PREX1: variants seen among roughly 807,000 people sequenced by gnomAD.
The protein encoded by PREX1 is phosphatidylinositol 3,4,5-trisphosphate-dependent Rac exchanger 1 protein.
A neutral mutation model predicts 198.3 loss-of-function variants in PREX1; 41 were observed. That is an observed-to-expected ratio of 0.21 (90% CI 0.16 to 0.27). PREX1 has a LOEUF of 0.27. Among genes scored for constraint, PREX1 ranks in the 10% least tolerant of loss-of-function variants. The pLI is 1.00. For synonymous variants in PREX1, 843 were observed against 887.2 expected, an observed-to-expected ratio of 0.95 and a Z score of 0.89; for missense variants, 1,620 against 2,200.7, an observed-to-expected ratio of 0.74 and a Z score of 5.28.
the PREX1 span, among the ~76,000 whole-genome samples, chr20:48,884,975 C>G: frequency 0.17 from 26,621 of 152,172 alleles, 3,026 homozygotes; most frequent in Middle Eastern, 0.28. Flanking sequence ...ATGAAAGAGC[C>G]TGACCACCTG....
intron 1 of PREX1, among the ~76,000 whole-genome samples, chr20:48,785,431 T>C (rs2090307699): frequency 6.6e-6 from 1 of 152,206 alleles, no homozygotes; most frequent in African/African-American, 2.4e-5. Context: ...GCGCCACTGG[T>C]ACCTCCACTG....
At chr20:48,663,454 G>A (rs1314995631) in intron 15 of PREX1, among the ~76,000 whole-genome samples, 1 of 151,460 alleles carries the variant, frequency 6.6e-6, no homozygotes, top group East Asian at 1.9e-4. Flanking sequence ...TTGAACCTGG[G>A]AGGCGGAGGT....
chr20:48,673,319 C>T (rs1201076843), intron 14 of PREX1, among the ~76,000 whole-genome samples: 3 of 152,260 alleles, frequency 2.0e-5, no homozygotes, highest in African/African-American at 4.8e-5. Flanking sequence ...TCTCAGGGCT[C>T]ATCCTTGATT....
chr20:48,648,508 A>G (rs1013346621), intron 25 of PREX1, among the ~76,000 whole-genome samples: 2 of 152,198 alleles, frequency 1.3e-5, no homozygotes, highest in Admixed American at 1.3e-4. Context: ...GTCAAGGGTG[A>G]GAGACACTGC....
Position 48,827,305 on chromosome 20 carries a change from C to T in PREX1, c.219+337G>A, listed in dbSNP as rs534746505. ...AAGACGCAGGAGCGCCAGCTCCCGG[C>T]GCCGCCGGGGTCCCCAAGCCCCTGC... On this transcript the variant is annotated intron_variant, in intron 1 of 39. Transcript: ENST00000371941. The surrounding 1 kb of genome is among the most constrained non-coding windows in gnomAD (Gnocchi z 4.1). Among the ~76,000 whole-genome samples the T allele has an allele frequency of 3.1e-3, 468 of 152,362 alleles. 3 individuals carry two copies. The highest frequency in any genetic ancestry group is 3.1e-3 in the Non-Finnish European group (213 of 68,038).
At chr20:48,849,681 A>G in the PREX1 span, among the ~76,000 whole-genome samples, 2 of 152,228 alleles carry the variant, frequency 1.3e-5, no homozygotes, top group African/African-American at 4.8e-5. Flanking sequence ...GCCGCATAGC[A>G]TATTCTGTGA....
At chr20:48,653,310 AC>A (rs559404712) in intron 20 of PREX1, 50 bp downstream of exon 20, 5 of 1,593,590 alleles carry the variant, frequency 3.1e-6, no homozygotes, top group South Asian at 1.1e-5. Flanking sequence ...TCAGCCACCC[AC>A]CCCCACTCAG....
At position 48,653,442 on chromosome 20, in the gene PREX1, A is replaced by T; in HGVS notation, c.2265T>A (p.Asn755Lys). The T allele has an allele frequency of 1.2e-6, 2 of 1,613,866 alleles. No individual in the cohort carries two copies. Among genetic ancestry groups the T allele is most frequent in the Non-Finnish European group, 1.7e-6 (2 of 1,180,008 alleles). ...LCAGQCILKV[N>K]GSNVMNDGAP... ...CACCATCGTTCATCACGTTGCTGCC[A>T]TTGACCTTCAGAATGCACTGACCAG... The change falls in exon 20 of 40, where the codon AAT becomes AAA. Residue 755 changes from asparagine (N) to lysine (K), a missense_variant. Asn to Lys is a moderately conservative substitution (Grantham distance 94). Around this residue, in one of 7 missense-constraint regions of PREX1, gnomAD observed 514 missense variants for 611.6 expected, o/e 0.84. Coordinates refer to ENST00000371941, the MANE Select transcript of PREX1 (RefSeq NM_020820.4).
At chr20:48,831,217 C>T (rs955456395), upstream of PREX1, among the ~76,000 whole-genome samples, 3 of 152,178 alleles carry the variant, frequency 2.0e-5, no homozygotes, top group African/African-American at 7.2e-5. Flanking sequence ...GTGCTTCTCT[C>T]TTTGGGGGAA....
the PREX1 span, among the ~76,000 whole-genome samples, chr20:48,838,268 T>C: frequency 2.6e-5 from 4 of 152,246 alleles, no homozygotes; most frequent in Admixed American, 2.0e-4. Flanking sequence ...TGATGTCTTA[T>C]GCACTTTTCC....
chr20:48,862,790 A>AATATATATATATATATAT, the PREX1 span, among the ~76,000 whole-genome samples: 1 of 102,580 alleles, frequency 9.7e-6, no homozygotes, highest in African/African-American at 4.4e-5. Context: ...TAAAAAAAAA[A>AATATATATATATATATAT]ATATATATAT....
the PREX1 span, among the ~76,000 whole-genome samples, chr20:48,841,725 C>G: frequency 6.6e-6 from 1 of 152,228 alleles, no homozygotes; most frequent in African/African-American, 2.4e-5. Context: ...ACCTGTGCCA[C>G]AGAACCAGCG....
At chr20:48,831,972 C>T (rs2072633372), upstream of PREX1, among the ~76,000 whole-genome samples, 1 of 151,480 alleles carries the variant, frequency 6.6e-6, no homozygotes, top group African/African-American at 2.4e-5. Context: ...CCCATTTCAA[C>T]TTTGACCTCT....
intron 5 of PREX1, among the ~76,000 whole-genome samples, chr20:48,724,352 A>C (rs889464268): frequency 3.3e-5 from 5 of 152,216 alleles, no homozygotes; most frequent in Admixed American, 2.6e-4. Context: ...TACTTGTCAT[A>C]ACAACCCCGT....
intron 3 of PREX1, among the ~76,000 whole-genome samples, chr20:48,741,032 G>A (rs905008690): frequency 1.3e-4 from 20 of 150,134 alleles, no homozygotes; most frequent in African/African-American, 4.2e-4. Context: ...TTTTTGAGAC[G>A]GAGTCTCACA....
At chr20:48,704,411 C>A (rs2089892106) in intron 6 of PREX1, among the ~76,000 whole-genome samples, 1 of 152,244 alleles carries the variant, frequency 6.6e-6, no homozygotes, top group Non-Finnish European at 1.5e-5. Context: ...TGTTTCCTCA[C>A]TCCTGTTTCC....
At chr20:48,772,070 T>C (rs986108479) in intron 1 of PREX1, among the ~76,000 whole-genome samples, 2 of 152,088 alleles carry the variant, frequency 1.3e-5, no homozygotes, top group African/African-American at 4.8e-5. Flanking sequence ...GGCGGGCACC[T>C]GTAGTCCCAG....
At chr20:48,647,116 G>A (rs1307791455) in intron 25 of PREX1, among the ~76,000 whole-genome samples, 1 of 152,100 alleles carries the variant, frequency 6.6e-6, no homozygotes, top group African/African-American at 2.4e-5. Flanking sequence ...TGTAGTCCTA[G>A]TCACTTGGGA....
chr20:48,638,954 G>A (rs889922847), intron 30 of PREX1, among the ~76,000 whole-genome samples: 2 of 152,256 alleles, frequency 1.3e-5, no homozygotes, highest in African/African-American at 4.8e-5. Flanking sequence ...GAACAGGACA[G>A]ATCAGAAGCA....
Sources: allele counts gnomAD v4.1 joint callset (sites outside exome capture counted in the v4.1 genomes callset), GRCh38; gene constraint gnomAD v4.1.1; regional missense constraint gnomAD v4.1.1; non-coding constraint Gnocchi (gnomAD v3.1); transcripts MANE v1.5; gene names NCBI Gene and HGNC (gene_info 2026-07-23, HGNC 2026-07-21).